Variants in KALRN observed in about 807,000 individuals in gnomAD.
KALRN encodes kalirin RhoGEF kinase, also known as kalirin.
KALRN carries 70 observed loss-of-function variants against 353.7 expected under a neutral mutation model. The ratio of observed to expected loss-of-function variants is 0.20; its 90% confidence interval spans 0.16 to 0.24. KALRN has a LOEUF of 0.24. Among genes scored for constraint, KALRN ranks in the 10% least tolerant of loss-of-function variants. KALRN has a pLI of 1.00. For synonymous variants in KALRN, 1,391 were observed against 1,434.8 expected, an observed-to-expected ratio of 0.97 and a Z score of 0.69; for missense variants, 2,791 against 3,756.7, an observed-to-expected ratio of 0.74 and a Z score of 6.72.
At chr3:124,584,778 C>G in intron 34 of KALRN, 2 of 1,569,266 alleles carry the variant, frequency 1.3e-6, no homozygotes, top group Non-Finnish European at 1.7e-6. Flanking sequence ...TCACCCCGGG[C>G]TGGCGCCCCG....
chr3:124,281,985 A>G (rs190204211), intron 5 of KALRN, among the ~76,000 whole-genome samples: 2 of 152,338 alleles, frequency 1.3e-5, no homozygotes. Flanking sequence ...CTGGGGTGTT[A>G]GCAAGTTTCA....
rs5852424 is a variant in KALRN at position 124,660,680 on chromosome 3, CA to C, written c.6217-226del. Among the ~76,000 whole-genome samples the C allele has an allele frequency of 4.4e-3, 414 of 93,762 alleles. 1 individual carries two copies. Among genetic ancestry groups the C allele is most frequent in the Non-Finnish European group, 6.4e-3 (305 of 47,568 alleles). 61.5% of individuals were successfully genotyped at this position (93,762 alleles called of 152,430 possible). Reference sequence around the variant, plus strand: ...TGGGCAACAGAGTGAGACTATGTCTCAAAAAAAAAAAAAAAAAGGAAAGAAA... The same window carrying C: ...TGGGCAACAGAGTGAGACTATGTCTCAAAAAAAAAAAAAAAAGGAAAGAAA... On this transcript the variant is annotated intron_variant, in intron 43 of 59. Transcript: ENST00000682506.
intron 21 of KALRN, among the ~76,000 whole-genome samples, chr3:124,451,033 A>C (rs2058723963): frequency 6.6e-6 from 1 of 152,206 alleles, no homozygotes; most frequent in African/African-American, 2.4e-5. Context: ...CTACAAAAAA[A>C]AATTGATAAG....
At chr3:124,113,560 T>C (rs2063189525) in intron 1 of KALRN, among the ~76,000 whole-genome samples, 1 of 152,218 alleles carries the variant, frequency 6.6e-6, no homozygotes, top group African/African-American at 2.4e-5. Flanking sequence ...TGGGGGAAAC[T>C]TCAGCTTCAG....
At chr3:124,498,310 T>C (rs941643136) in intron 33 of KALRN, among the ~76,000 whole-genome samples, 1 of 152,230 alleles carries the variant, frequency 6.6e-6, no homozygotes, top group Non-Finnish European at 1.5e-5. Flanking sequence ...TGTGGACTAT[T>C]TGTTGAGTGT....
At chr3:124,395,073 C>A in intron 11 of KALRN, 62 bp from the exon 12 acceptor site, 1 of 1,365,462 alleles carries the variant, frequency 7.3e-7, no homozygotes, top group Non-Finnish European at 1.0e-6. Flanking sequence ...GCTTCCTTGC[C>A]CTCACCCCAG....
chr3:124,382,441 G>A (rs2087527604), intron 10 of KALRN, among the ~76,000 whole-genome samples: 1 of 152,054 alleles, frequency 6.6e-6, no homozygotes, highest in Admixed American at 6.5e-5. Context: ...CTTTTGGGGT[G>A]CTTACAATAT....
Position 124,268,845 on chromosome 3 carries a change from G to A in KALRN, c.559G>A (p.Glu187Lys), listed in dbSNP as rs546138856. 6.2e-6 allele frequency: 10 copies of A among 1,614,098 alleles called. No individual in the cohort carries two copies. The highest frequency in any genetic ancestry group is 1.7e-5 in the Admixed American group (1 of 60,018). The change falls in exon 5 of 60, where the codon GAA (glutamate) becomes AAA (lysine). Residue 187 changes from glutamate to lysine, a missense_variant. Transcript: ENST00000682506. ...SLDYNHEEWI[E>K]LRLSLEEFFN... Reference sequence around the variant, plus strand: ...GGACTACAACCATGAGGAGTGGATCGAACTGCGGCTCTCCCTGGAGGAGTT... The same window carrying A: ...GGACTACAACCATGAGGAGTGGATCAAACTGCGGCTCTCCCTGGAGGAGTT...
chr3:124,513,860 C>G (rs2066232358), intron 33 of KALRN, among the ~76,000 whole-genome samples: 1 of 152,184 alleles, frequency 6.6e-6, no homozygotes, highest in Non-Finnish European at 1.5e-5. Flanking sequence ...CCTTCCTGCT[C>G]ATCGCTGACC....
chr3:124,613,422 A>T (rs969702550), intron 34 of KALRN, among the ~76,000 whole-genome samples: 1 of 152,224 alleles, frequency 6.6e-6, no homozygotes, highest in Admixed American at 6.5e-5. Context: ...AGGAAAGTTG[A>T]AATACTGCTA....
intron 57 of KALRN, among the ~76,000 whole-genome samples, chr3:124,706,695 G>A (rs755527877): frequency 4.6e-5 from 7 of 150,844 alleles, no homozygotes; most frequent in South Asian, 2.1e-4. Flanking sequence ...TCAGCCTCCC[G>A]AGCAGCTGGA....
At chr3:124,323,949 A>C (rs1159268760) in intron 6 of KALRN, among the ~76,000 whole-genome samples, 1 of 152,072 alleles carries the variant, frequency 6.6e-6, no homozygotes, top group Non-Finnish European at 1.5e-5. Context: ...TCACTCTCTG[A>C]CCTCAGAAGT....
intron 33 of KALRN, among the ~76,000 whole-genome samples, chr3:124,531,925 T>G (rs1458937969): frequency 1.3e-5 from 2 of 152,214 alleles, no homozygotes; most frequent in African/African-American, 4.8e-5. Context: ...CTAACGTCAA[T>G]GTTTAAAGTA....
At chr3:124,563,191 C>T in intron 34 of KALRN, 102 bp downstream of exon 34, 1 of 1,213,422 alleles carries the variant, frequency 8.2e-7, no homozygotes, top group Non-Finnish European at 1.1e-6. Context: ...CTCACAGACC[C>T]ATTTTTACCC....
chr3:124,171,117 C>T (rs1266542142), intron 1 of KALRN, among the ~76,000 whole-genome samples: 3 of 152,008 alleles, frequency 2.0e-5, no homozygotes, highest in African/African-American at 7.2e-5. Flanking sequence ...TCACCTGGCC[C>T]ATTTCTACAT....
chr3:124,232,425 G>C (rs2079269849), intron 2 of KALRN, among the ~76,000 whole-genome samples: 1 of 152,108 alleles, frequency 6.6e-6, no homozygotes, highest in South Asian at 2.1e-4. Flanking sequence ...CCTCAGGCAG[G>C]CTGAACTCTT....
At chr3:124,124,579 A>C (rs188706634) in intron 1 of KALRN, among the ~76,000 whole-genome samples, 1 of 152,226 alleles carries the variant, frequency 6.6e-6, no homozygotes, top group Non-Finnish European at 1.5e-5. Context: ...ACACTGCATC[A>C]CATGCTGTAG....
chr3:124,294,972 C>T (rs56140315), intron 5 of KALRN, among the ~76,000 whole-genome samples: 39,558 of 152,166 alleles, frequency 0.26, 6,832 homozygotes, highest in Non-Finnish European at 0.38. Context: ...AGTGACAGAG[C>T]TGGGCCTGGA....
At chr3:124,637,643 C>T (rs1303797733) in intron 37 of KALRN, among the ~76,000 whole-genome samples, 1 of 152,194 alleles carries the variant, frequency 6.6e-6, no homozygotes, top group African/African-American at 2.4e-5. Context: ...AGCTAGTACA[C>T]CGCGATGCTG....
Sources: allele counts gnomAD v4.1 joint callset (sites outside exome capture counted in the v4.1 genomes callset), GRCh38; gene constraint gnomAD v4.1.1; transcripts MANE v1.5; gene names NCBI Gene and HGNC (gene_info 2026-07-23, HGNC 2026-07-21).